Variants in NRG3 observed in about 807,000 individuals in gnomAD.
The protein encoded by NRG3 is neuregulin 3, also known as pro-neuregulin-3, membrane-bound isoform.
In NRG3, 31 loss-of-function variants were observed where a neutral mutation model predicts 66.9. That is an observed-to-expected ratio of 0.46 (90% CI 0.35 to 0.63). NRG3 has a LOEUF of 0.63. NRG3 is among the 20% of genes least tolerant of loss of function. NRG3 has a pLI of 0.00. For synonymous variants in NRG3, 393 were observed against 359.4 expected (o/e 1.09, Z -1.06); for missense variants, 910 against 878.9 (o/e 1.04, Z -0.45).
chr10:81,877,616 G>A (rs1321200999), intron 1 of NRG3: 8 of 1,064,370 alleles, frequency 7.5e-6, no homozygotes, highest in Non-Finnish European at 9.3e-6. Context: ...AGGTCCAGGA[G>A]AGGGAAAGGG....
chr10:82,554,633 G>A (rs894528047), intron 2 of NRG3, among the ~76,000 whole-genome samples: 3 of 152,076 alleles, frequency 2.0e-5, no homozygotes, highest in African/African-American at 7.2e-5. Flanking sequence ...GTCATGAAAT[G>A]GAATAATGTG....
Position 81,875,812 on chromosome 10 carries a change from C to T in NRG3, c.472C>T (p.Leu158=). 4 of 1,609,700 alleles carry T rather than the reference C, an allele frequency of 2.5e-6. No individual in the cohort carries two copies. Among genetic ancestry groups the T allele is most frequent in the African/African-American group, 1.3e-5 (1 of 75,050 alleles). ...GACGCCCAACCGGATTAGCACTCGC[C>T]TGACCACCATCACGCGGGCGCCCAC... ...SRTPNRISTR[L]TTITRAPTRF... The change falls in exon 1 of 9, where the codon CTG becomes TTG. Residue 158 remains leucine, a synonymous_variant. Transcript: ENST00000372141. This position sits in a 1 kb window ranked among gnomAD's most constrained non-coding sequence, Gnocchi z 5.3.
intron 4 of NRG3, among the ~76,000 whole-genome samples, chr10:82,947,882 A>G (rs1041853509): frequency 2.6e-5 from 4 of 152,058 alleles, no homozygotes; most frequent in Non-Finnish European, 5.9e-5. Flanking sequence ...TGATTTTCAT[A>G]ATGGTGTCTT....
chr10:82,415,661 T>C (rs1420958375), intron 2 of NRG3, among the ~76,000 whole-genome samples: 1 of 152,180 alleles, frequency 6.6e-6, no homozygotes, highest in African/African-American at 2.4e-5. Flanking sequence ...AAAGTGATAC[T>C]TTATAAAGTT....
chr10:82,738,467 C>T, intron 2 of NRG3, 110 bp from the exon 3 acceptor site: 1 of 826,868 alleles, frequency 1.2e-6, no homozygotes, highest in Non-Finnish European at 2.1e-6. Flanking sequence ...AATATGAAAG[C>T]ATGAATGTAC....
intron 3 of NRG3, among the ~76,000 whole-genome samples, chr10:82,830,337 T>A (rs2062454201): frequency 6.6e-6 from 1 of 152,228 alleles, no homozygotes; most frequent in Non-Finnish European, 1.5e-5. Context: ...TCTAAGATAT[T>A]TGACTTTAAC....
In NRG3 at chr10:82,371,451, T is replaced by C. The variant is rs1408923037; in HGVS notation, c.953+12583T>C. ...ACATTCTTTTATCATTCTGCCAATGTTTATTAAGCATTTTCAATGTTCCGA... is the reference window on the plus strand; with the variant it reads ...ACATTCTTTTATCATTCTGCCAATGCTTATTAAGCATTTTCAATGTTCCGA... On this transcript the variant is annotated intron_variant, in intron 2 of 8. Coordinates refer to ENST00000372141, the MANE Select transcript of NRG3 (RefSeq NM_001010848.4). Among the ~76,000 whole-genome samples, 7 of 152,160 alleles carry C rather than the reference T, an allele frequency of 4.6e-5. No homozygotes were observed. In the East Asian group the frequency reaches 7.7e-4, roughly 17 times the overall value.
At chr10:81,910,482 C>T in intron 1 of NRG3, among the ~76,000 whole-genome samples, 1 of 152,258 alleles carries the variant, frequency 6.6e-6, no homozygotes. Context: ...TAAATGTAAT[C>T]TATGGGAAGC....
chr10:82,644,816 TAA>T (rs2050825544), intron 2 of NRG3, among the ~76,000 whole-genome samples: 3 of 152,140 alleles, frequency 2.0e-5, no homozygotes, highest in African/African-American at 7.2e-5. Context: ...AAAAGTATGC[TAA>T]GACATTGCCC....
At chr10:82,650,436 A>G (rs2051323919) in intron 2 of NRG3, among the ~76,000 whole-genome samples, 1 of 152,200 alleles carries the variant, frequency 6.6e-6, no homozygotes, top group Non-Finnish European at 1.5e-5. Context: ...ACAAAAACAA[A>G]AAAAAACACC....
chr10:82,868,618 A>G (rs2135968753), intron 4 of NRG3, among the ~76,000 whole-genome samples: 1 of 152,176 alleles, frequency 6.6e-6, no homozygotes. Context: ...TCAATAATTC[A>G]CCCCCACAGA....
intron 2 of NRG3, among the ~76,000 whole-genome samples, chr10:82,600,037 C>CT (rs1445084284): frequency 6.6e-6 from 1 of 152,056 alleles, no homozygotes; most frequent in Non-Finnish European, 1.5e-5. Context: ...CAGGTGTCCT[C>CT]TGATGATTAC....
At chr10:82,285,412 T>C (rs1006633667) in intron 1 of NRG3, among the ~76,000 whole-genome samples, 2 of 152,206 alleles carry the variant, frequency 1.3e-5, no homozygotes, top group Non-Finnish European at 2.9e-5. Flanking sequence ...ACCAAACTTA[T>C]GATAGGAAAG....
At chr10:82,912,069 T>C (rs1044532781) in intron 4 of NRG3, among the ~76,000 whole-genome samples, 4 of 152,184 alleles carry the variant, frequency 2.6e-5, no homozygotes, top group Non-Finnish European at 4.4e-5. Context: ...AATTTTCATG[T>C]GTTAAGATAT....
At chr10:82,042,750 G>C (rs2063103347) in intron 1 of NRG3, among the ~76,000 whole-genome samples, 1 of 151,892 alleles carries the variant, frequency 6.6e-6, no homozygotes, top group Non-Finnish European at 1.5e-5. Flanking sequence ...TCAACTATTA[G>C]GCTGTTTGAG....
At chr10:82,801,154 G>A (rs985262226) in intron 3 of NRG3, among the ~76,000 whole-genome samples, 6 of 152,272 alleles carry the variant, frequency 3.9e-5, no homozygotes, top group Middle Eastern at 3.4e-3. Context: ...AGTGTGTTCC[G>A]CTAGAGAAAA....
At chr10:81,947,437 G>C (rs1194769991) in intron 1 of NRG3, among the ~76,000 whole-genome samples, 2 of 152,106 alleles carry the variant, frequency 1.3e-5, no homozygotes, top group African/African-American at 4.8e-5. Flanking sequence ...TCAGGCTGGT[G>C]CCCAGACTGC....
At chr10:82,641,758 G>T (rs564320058) in intron 2 of NRG3, among the ~76,000 whole-genome samples, 6 of 152,090 alleles carry the variant, frequency 3.9e-5, no homozygotes, top group African/African-American at 1.2e-4. Context: ...ACCAATGCAG[G>T]ATGCTTGTAA....
At chr10:82,188,701 G>A (rs2073958365) in intron 1 of NRG3, among the ~76,000 whole-genome samples, 1 of 152,006 alleles carries the variant, frequency 6.6e-6, no homozygotes, top group African/African-American at 2.4e-5. Context: ...TATATGAAAA[G>A]GTGCTCAACA....
Sources: gnomAD v4.1 joint callset for allele counts (sites outside exome capture counted in the v4.1 genomes callset) on GRCh38, gnomAD v4.1.1 for gene constraint, Gnocchi (gnomAD v3.1) non-coding constraint, MANE v1.5 for transcripts, NCBI Gene and HGNC (gene_info 2026-07-23, HGNC 2026-07-21) for gene names.